EPB41L4B: variants seen among roughly 807,000 people sequenced by gnomAD.
The protein encoded by EPB41L4B is band 4.1-like protein 4B.
A neutral mutation model predicts 112.5 loss-of-function variants in EPB41L4B; 30 were observed. That is an observed-to-expected ratio of 0.27 (90% confidence interval 0.20 to 0.36). The LOEUF (loss-of-function observed/expected upper bound fraction) is 0.36, where lower values mean the gene tolerates loss of function less well. EPB41L4B is among the 10% of genes least tolerant of loss of function. The pLI is 1.00. For synonymous variants in EPB41L4B, 408 were observed against 439.7 expected (o/e 0.93, Z 0.90); for missense variants, 1,024 against 1,133.3 (o/e 0.90, Z 1.38).
At chr9:109,178,735 C>A (rs553000093) in intron 24 of EPB41L4B, among the ~76,000 whole-genome samples, 1 of 152,022 alleles carries the variant, frequency 6.6e-6, no homozygotes, top group African/African-American at 2.4e-5. Context: ...AGCTACTGCA[C>A]CCAGCCTTTG....
At chr9:109,247,602 A>G (rs985941526) in intron 14 of EPB41L4B, among the ~76,000 whole-genome samples, 154 bp downstream of exon 14, 24 of 152,214 alleles carry the variant, frequency 1.6e-4, no homozygotes, top group African/African-American at 5.1e-4. Context: ...ATTTTCTCAA[A>G]AAAACAAATA....
At chr9:109,268,925 T>G (rs976651652) in intron 2 of EPB41L4B, among the ~76,000 whole-genome samples, 1 of 147,618 alleles carries the variant, frequency 6.8e-6, no homozygotes, top group African/African-American at 2.5e-5. Context: ...AATTCAACGT[T>G]TATGCATATA....
Position 109,203,721 on chromosome 9 carries a change from C to T in EPB41L4B, c.1888G>A (p.Glu630Lys), listed in dbSNP as rs1161344172. Residue 630 changes from glutamate to lysine, a missense_variant, in exon 19 of 26, where the codon GAG becomes AAG. Transcript: ENST00000374566. Reference sequence around the variant, plus strand: ...TTGATATTTACAAACGGTGATTCCTCCTTTCCACCCTGTTAAAGAAAGCAT... The same window carrying T: ...TTGATATTTACAAACGGTGATTCCTTCTTTCCACCCTGTTAAAGAAAGCAT... ...ASRVNIQGGK[E>K]ESPFVNINKK... 1 of 1,613,676 alleles carries T rather than the reference C, an allele frequency of 6.2e-7. No homozygotes were observed. Among genetic ancestry groups the T allele is most frequent in the Non-Finnish European group, 8.5e-7 (1 of 1,179,718 alleles).
At chr9:109,291,799 C>T (rs1414604155) in intron 1 of EPB41L4B, among the ~76,000 whole-genome samples, 5 of 152,166 alleles carry the variant, frequency 3.3e-5, no homozygotes, top group Admixed American at 1.3e-4. Context: ...TTCCAATGTG[C>T]TGTAGATGGC....
intron 1 of EPB41L4B, among the ~76,000 whole-genome samples, chr9:109,307,995 C>G (rs1479196998): frequency 3.3e-5 from 5 of 152,156 alleles, no homozygotes; most frequent in African/African-American, 1.2e-4. Flanking sequence ...ATGGGAAAGG[C>G]CTTTCGCCGC....
intron 1 of EPB41L4B, among the ~76,000 whole-genome samples, chr9:109,295,820 G>C (rs1364910902): frequency 6.6e-6 from 1 of 151,986 alleles, no homozygotes; most frequent in East Asian, 1.9e-4. Flanking sequence ...AAGTGGTTTA[G>C]GTAATTCTTT....
chr9:109,313,602 C>T (rs1837504738), intron 1 of EPB41L4B, among the ~76,000 whole-genome samples: 2 of 152,210 alleles, frequency 1.3e-5, no homozygotes, highest in Non-Finnish European at 2.9e-5. Context: ...CTTTAACCTG[C>T]CAGCAAGAGA....
intron 15 of EPB41L4B, among the ~76,000 whole-genome samples, chr9:109,222,904 G>A (rs1833636013): frequency 1.3e-5 from 2 of 152,184 alleles, no homozygotes; most frequent in African/African-American, 4.8e-5. Flanking sequence ...AACTGACCCT[G>A]ATCTCATTTC....
chr9:109,194,207 C>T lies in EPB41L4B; in HGVS notation c.2223+13G>A, dbSNP rs200834123. On this transcript the variant is annotated intron_variant, in intron 21 of 25. Transcript: ENST00000374566. Reference sequence around the variant, plus strand: ...AGTGTGGCTGCTCGCCAGGGCTTTCCACCCCCCAATACCTTGGCCCCAGGG... The same window carrying T: ...AGTGTGGCTGCTCGCCAGGGCTTTCTACCCCCCAATACCTTGGCCCCAGGG... 69 of 1,606,632 alleles carry T rather than the reference C, an allele frequency of 4.3e-5. 1 individual carries two copies. In the Admixed American group the frequency reaches 5.9e-4, roughly 14 times the overall value.
At chr9:109,318,582 C>T (rs948318444) in intron 1 of EPB41L4B, among the ~76,000 whole-genome samples, 2 of 152,130 alleles carry the variant, frequency 1.3e-5, no homozygotes, top group Non-Finnish European at 2.9e-5. Flanking sequence ...ATGCAAACTA[C>T]GCCACATCCT....
chr9:109,285,664 C>G (rs1836247501), intron 1 of EPB41L4B, among the ~76,000 whole-genome samples: 1 of 152,094 alleles, frequency 6.6e-6, no homozygotes, highest in African/African-American at 2.4e-5. Context: ...ACAAGGTGAT[C>G]AAGGTCACTG....
intron 19 of EPB41L4B, among the ~76,000 whole-genome samples, chr9:109,202,186 T>A (rs1832855891): frequency 6.6e-6 from 1 of 152,040 alleles, no homozygotes; most frequent in South Asian, 2.1e-4. Flanking sequence ...GGAATCCAGG[T>A]GAAGGTTAGT....
intron 15 of EPB41L4B, among the ~76,000 whole-genome samples, chr9:109,243,240 T>TA (rs35666632): frequency 0.012 from 1,320 of 111,014 alleles, 19 homozygotes; most frequent in African/African-American, 0.035. Context: ...AAAAAATCCT[T>TA]AAAAAAAAAA....
At chr9:109,277,125 C>T (rs1202705633) in intron 2 of EPB41L4B, among the ~76,000 whole-genome samples, 1 of 152,108 alleles carries the variant, frequency 6.6e-6, no homozygotes, top group East Asian at 1.9e-4. Context: ...AAATACCACA[C>T]GCTTTAAGAC....
At chr9:109,208,148 A>G (rs975961797) in intron 17 of EPB41L4B, 99 bp from the exon 18 acceptor site, 2 of 1,385,590 alleles carry the variant, frequency 1.4e-6, no homozygotes, top group Non-Finnish European at 2.0e-6. Flanking sequence ...ACACAGACCT[A>G]CATACATAGA....
At chr9:109,214,868 G>T (rs1447721320) in intron 16 of EPB41L4B, among the ~76,000 whole-genome samples, 3 of 152,182 alleles carry the variant, frequency 2.0e-5, no homozygotes, top group Non-Finnish European at 4.4e-5. Flanking sequence ...GTTATGTGGT[G>T]AGAACTATGA....
At chr9:109,193,304 T>C (rs1408007032) in intron 21 of EPB41L4B, among the ~76,000 whole-genome samples, 1 of 152,214 alleles carries the variant, frequency 6.6e-6, no homozygotes, top group Non-Finnish European at 1.5e-5. Flanking sequence ...CCCTGGACCA[T>C]TATTCTTCAG....
rs370973346 is a variant in EPB41L4B, at chr9:109,258,171, A to G, written c.752+6T>C. 4 of 1,610,178 alleles carry G rather than the reference A, an allele frequency of 2.5e-6. No homozygotes were observed. Among genetic ancestry groups the G allele is most frequent in the Admixed American group, 3.3e-5 (2 of 59,850 alleles). On this transcript the variant is annotated splice_donor_region_variant and intron_variant, in intron 7 of 25. Transcript: ENST00000374566. The stretch of plus-strand genomic sequence containing the variant: ...ATCAGAATGCTAGACGGTTGCATCA[A>G]GGTACCTGCACTCTTTCCATCTCTG...
chr9:109,219,815 T>C (rs1365483890), intron 15 of EPB41L4B, among the ~76,000 whole-genome samples: 1 of 152,076 alleles, frequency 6.6e-6, no homozygotes, highest in Non-Finnish European at 1.5e-5. Context: ...CCCCTGAAAG[T>C]ATTGTGAGTC....
Sources: gnomAD v4.1 joint callset for allele counts (sites outside exome capture counted in the v4.1 genomes callset) on GRCh38, gnomAD v4.1.1 for gene constraint, MANE v1.5 for transcripts, NCBI Gene and HGNC (gene_info 2026-07-23, HGNC 2026-07-21) for gene names.